GZF1: variants seen among roughly 807,000 people sequenced by gnomAD.
The protein encoded by GZF1 is GDNF-inducible zinc finger protein 1.
In GZF1, 28 loss-of-function variants were observed where a neutral mutation model predicts 49.4. That is an observed-to-expected ratio of 0.57 (90% CI 0.42 to 0.78). The LOEUF is 0.78. Among genes scored for constraint, GZF1 ranks in the 30% least tolerant of loss-of-function variants. The pLI is 0.00. For missense variants in GZF1, 798 were observed against 916.2 expected (o/e 0.87, Z 1.67); for synonymous variants, 364 against 356.0 (o/e 1.02, Z -0.25).
At chr20:23,361,299 G>A (rs1200464208), upstream of GZF1, among the ~76,000 whole-genome samples, 1 of 152,208 alleles carries the variant, frequency 6.6e-6, no homozygotes, top group Non-Finnish European at 1.5e-5. Flanking sequence ...TTGAGAACTG[G>A]AAGTCTGACT....
intron 2 of GZF1, 23 bp downstream of exon 2, chr20:23,365,770 G>T (rs1448044787): frequency 4.7e-6 from 7 of 1,494,902 alleles, no homozygotes; most frequent in South Asian, 1.3e-5. Flanking sequence ...CCGTCCGGAG[G>T]GGTCCCTGCG....
chr20:23,365,394 G>A lies in GZF1; in HGVS notation c.1011G>A (p.Lys337=). 6.2e-7 allele frequency: 1 copy of A among 1,613,770 alleles called. No homozygotes were observed. Among genetic ancestry groups the A allele is most frequent in the Non-Finnish European group, 8.5e-7 (1 of 1,179,950 alleles). ...LYEKSFLKHS[K]HRHGVATEVV... is the part of the protein sequence containing the mutation. ...AGAAGAGCTTCCTGAAGCACAGCAA[G>A]CACCGCCACGGCGTGGCCACCGAGG... The change falls in exon 2 of 6, where the codon AAG becomes AAA. Residue 337 remains lysine, a synonymous_variant. Transcript: ENST00000338121.
chr20:23,361,483 C>G (rs2123009901), upstream of GZF1, among the ~76,000 whole-genome samples: 1 of 152,336 alleles, frequency 6.6e-6, no homozygotes, highest in Admixed American at 6.5e-5. Flanking sequence ...ATGGGAACTC[C>G]TGGAAATAAA....
Position 23,371,626 on chromosome 20 carries a change from A to G in GZF1, c.*1185A>G, listed in dbSNP as rs1982083338. ...CACAATGAAAAGACGATTCTGCTGT[A>G]TTTGTTAAACGTTGACATTTGGTTC... On this transcript the variant is annotated 3_prime_UTR_variant, in exon 6 of 6. Coordinates refer to ENST00000338121, the MANE Select transcript of GZF1 (RefSeq NM_022482.5). The G allele has an allele frequency of 6.6e-6, 1 of 152,648 alleles. No individual in the cohort carries two copies. Among genetic ancestry groups the G allele is most frequent in the Admixed American group, 6.5e-5 (1 of 15,288 alleles). The allele number at this position is 152,648 out of a possible 1,614,324, so 9.5% of individuals were successfully genotyped here.
At chr20:23,361,970 G>A (rs1313161103), upstream of GZF1, among the ~76,000 whole-genome samples, 2 of 152,180 alleles carry the variant, frequency 1.3e-5, no homozygotes, top group Admixed American at 6.5e-5. Context: ...CGCGGCGGGT[G>A]ACGCAATGCG....
chr20:23,365,563 C>T lies in GZF1; in HGVS notation c.1180C>T (p.Arg394Trp), dbSNP rs1378193852. The change falls in exon 2 of 6, where the codon CGG (arginine) becomes TGG (tryptophan). Residue 394 changes from arginine (R) to tryptophan (W), a missense_variant. Transcript: ENST00000338121. ...KKFKRKKDVK[R>W]HVLQVHEGGG... ...GTTCAAGCGCAAGAAGGACGTGAAG[C>T]GGCACGTGCTGCAGGTGCATGAGGG... 3.1e-6 allele frequency: 5 copies of T among 1,612,232 alleles called. No homozygotes were observed. Among genetic ancestry groups the T allele is most frequent in the Non-Finnish European group, 4.2e-6 (5 of 1,179,618 alleles).
At chr20:23,361,823 G>T (rs912350154), upstream of GZF1, among the ~76,000 whole-genome samples, 1 of 152,338 alleles carries the variant, frequency 6.6e-6, no homozygotes, top group East Asian at 1.9e-4. Context: ...GGCGCCTTGC[G>T]GCCAGAAGCC....
At chr20:23,370,039 G>A in intron 5 of GZF1, 52 bp from the exon 6 acceptor site, 2 of 1,439,516 alleles carry the variant, frequency 1.4e-6, no homozygotes, top group East Asian at 4.6e-5. Flanking sequence ...TTTAAAAGAT[G>A]CACTTGTCCA....
chr20:23,362,355 A>G (rs1434830698), intron 1 of GZF1, 118 bp downstream of exon 1: 2 of 151,966 alleles, frequency 1.3e-5, no homozygotes, highest in Non-Finnish European at 2.9e-5. Context: ...GAGCGGGGGC[A>G]GGGGGCGGCC....
intron 3 of GZF1, among the ~76,000 whole-genome samples, chr20:23,367,365 C>T (rs185112814): frequency 6.6e-6 from 1 of 152,168 alleles, no homozygotes; most frequent in Non-Finnish European, 1.5e-5. Context: ...CTTTTGTAAC[C>T]GAAATTTTTT....
chr20:23,364,641 C>T lies in GZF1; in HGVS notation c.258C>T (p.Asp86=), dbSNP rs753311654. Residue 86 remains aspartate, a synonymous_variant, in exon 2 of 6, where the codon GAC becomes GAT. Coordinates refer to ENST00000338121, the MANE Select transcript of GZF1 (RefSeq NM_022482.5). The part of the protein sequence containing the change: ...NVYLNEVQVA[D]FASFLEFVYT... ...ACTTAAATGAAGTGCAGGTTGCTGACTTTGCTTCATTTCTTGAGTTTGTCT... is the reference window on the plus strand; with the variant it reads ...ACTTAAATGAAGTGCAGGTTGCTGATTTTGCTTCATTTCTTGAGTTTGTCT... 5.6e-6 allele frequency: 9 copies of T among 1,614,244 alleles called. No individual in the cohort carries two copies. The highest frequency in any genetic ancestry group is 7.6e-6 in the Non-Finnish European group (9 of 1,180,044).
rs1982012122 is a variant in GZF1, at chr20:23,370,869, T to C, written c.*428T>C. 1 of 157,148 alleles carries C rather than the reference T, an allele frequency of 6.4e-6. No individual in the cohort carries two copies. The highest frequency in any genetic ancestry group is 2.4e-5 in the African/African-American group (1 of 41,524). 9.7% of individuals were successfully genotyped at this position (157,148 alleles called of 1,614,324 possible). ...CATGTGGGTTTACTTCTCTCATAAC[T>C]ACTTTCAAGGTATTTTTCTTCCAAG... On this transcript the variant is annotated 3_prime_UTR_variant, in exon 6 of 6. Coordinates refer to ENST00000338121, the MANE Select transcript of GZF1 (RefSeq NM_022482.5).
In GZF1 at chr20:23,370,442, G is replaced by A. The variant is rs1204371589; in HGVS notation, c.*1G>A. ...TCACTCTTTGAGCAACATGGAATAA[G>A]AGCTTCAAGCAGTTCCCATCCTGTT... On this transcript the variant is annotated 3_prime_UTR_variant, in exon 6 of 6. Coordinates refer to ENST00000338121, the MANE Select transcript of GZF1 (RefSeq NM_022482.5). 6.3e-7 allele frequency: 1 copy of A among 1,591,946 alleles called. No homozygotes were observed. The highest frequency in any genetic ancestry group is 2.2e-5 in the East Asian group (1 of 44,792).
upstream of GZF1, among the ~76,000 whole-genome samples, chr20:23,361,875 G>C (rs1028218871): frequency 2.0e-5 from 3 of 152,234 alleles, no homozygotes; most frequent in Non-Finnish European, 4.4e-5. Flanking sequence ...TGACGCTCAC[G>C]TGACTTTTCG....
Position 23,372,537 on chromosome 20 carries a change from A to G in GZF1, c.*2096A>G, listed in dbSNP as rs1982175508. ...GTTGAGCTCTCTGCCACTTTCTTCA[A>G]TGTAAAAAGTAGGCATCAAAGATAC... is the stretch of plus-strand genomic sequence containing the variant. On this transcript the variant is annotated 3_prime_UTR_variant, in exon 6 of 6. Coordinates refer to ENST00000338121, the MANE Select transcript of GZF1 (RefSeq NM_022482.5). 6.6e-6 allele frequency: 1 copy of G among 152,288 alleles called. No homozygotes were observed. The highest frequency in any genetic ancestry group is 2.1e-4 in the South Asian group (1 of 4,826). The allele number at this position is 152,288 out of a possible 1,614,324, so 9.4% of individuals were successfully genotyped here.
In GZF1 at chr20:23,368,928, A is replaced by G. The variant is rs148842048; in HGVS notation, c.1626A>G (p.Thr542=). 68 of 1,608,310 alleles carry G rather than the reference A, an allele frequency of 4.2e-5. No homozygotes were observed. In the East Asian group the frequency reaches 1.4e-3, roughly 34 times the overall value. ...NSLYQHIKVH[T]GERPYCCDQC... ...TGTACCAGCATATTAAAGTCCACAC[A>G]GGTATGGTTGGAATGTCCCAGGGAA... Residue 542 remains threonine, a splice_region_variant and synonymous_variant, in exon 4 of 6, where the codon ACA becomes ACG. Transcript: ENST00000338121.
rs1422718976 is a variant in GZF1, at chr20:23,365,385, G to A, written c.1002G>A (p.Lys334=). ...KAFLYEKSFL[K]HSKHRHGVAT... is the part of the protein sequence containing the mutation. ...TTCTGTATGAGAAGAGCTTCCTGAA[G>A]CACAGCAAGCACCGCCACGGCGTGG... Residue 334 remains lysine (K), a synonymous_variant, in exon 2 of 6, where the codon AAG becomes AAA. Coordinates refer to ENST00000338121, the MANE Select transcript of GZF1 (RefSeq NM_022482.5). 1 of 1,613,760 alleles carries A rather than the reference G, an allele frequency of 6.2e-7. No individual in the cohort carries two copies.
At position 23,370,511 on chromosome 20, in the gene GZF1, AG is replaced by A; in HGVS notation, c.*71del. On this transcript the variant is annotated 3_prime_UTR_variant, in exon 6 of 6. Coordinates refer to ENST00000338121, the MANE Select transcript of GZF1 (RefSeq NM_022482.5). ...CTGAACTCAAGATGATGTGGGGCTAAGAAAAATAATTGTCCATGTGCAAAGA... is the reference window on the plus strand; with the variant it reads ...CTGAACTCAAGATGATGTGGGGCTAAAAAAATAATTGTCCATGTGCAAAGA... 1 of 1,031,616 alleles carries A rather than the reference AG, an allele frequency of 9.7e-7. No homozygotes were observed. Among genetic ancestry groups the A allele is most frequent in the Non-Finnish European group, 1.5e-6 (1 of 677,992 alleles). The allele number at this position is 1,031,616 out of a possible 1,614,324, so 63.9% of individuals were successfully genotyped here.
At chr20:23,366,350 C>G (rs1306800640) in intron 2 of GZF1, among the ~76,000 whole-genome samples, 2 of 152,182 alleles carry the variant, frequency 1.3e-5, no homozygotes, top group South Asian at 4.1e-4. Context: ...GTTTTCTCTT[C>G]TCTTCTAGAT....
Sources: allele counts gnomAD v4.1 joint callset (sites outside exome capture counted in the v4.1 genomes callset), GRCh38; gene constraint gnomAD v4.1.1; transcripts MANE v1.5; gene names NCBI Gene and HGNC (gene_info 2026-07-23, HGNC 2026-07-21).